Variants in WDR35 observed in about 807,000 individuals in gnomAD.
WDR35 encodes WD repeat-containing protein 35.
In WDR35, 118 loss-of-function variants were observed where a neutral mutation model predicts 158.3. That is an observed-to-expected ratio of 0.75 (90% confidence interval 0.64 to 0.87). The LOEUF (loss-of-function observed/expected upper bound fraction) is 0.87, where lower values mean the gene tolerates loss of function less well. Among genes scored for constraint, WDR35 ranks in the 40% least tolerant of loss-of-function variants. WDR35 has a pLI of 0.00. For missense variants in WDR35, 1,263 were observed against 1,405.8 expected (o/e 0.90, Z 1.62); for synonymous variants, 448 against 476.1 (o/e 0.94, Z 0.77).
At chr2:19,927,632 A>G (rs1272261322) in intron 25 of WDR35, among the ~76,000 whole-genome samples, 1 of 152,214 alleles carries the variant, frequency 6.6e-6, no homozygotes, top group Non-Finnish European at 1.5e-5. Context: ...GGAAACTATT[A>G]ATAGCTCTTA....
In WDR35 at chr2:19,978,786, T is replaced by C. The variant is rs922962648; in HGVS notation, c.401A>G (p.Tyr134Cys). The C allele has an allele frequency of 1.9e-6, 3 of 1,613,774 alleles. No homozygotes were observed. The highest frequency in any genetic ancestry group is 1.3e-5 in the African/African-American group (1 of 74,916). ...ACCAACTATCACAGCCCCATCTTCA[T>C]ATACAATGCAGATCTTCTGTCCGTC... ...NADGQKICIVYEDGAVIVGSV... is the reference protein window; with the variant it reads ...NADGQKICIVCEDGAVIVGSV... Residue 134 changes from tyrosine to cysteine, a missense_variant, in exon 5 of 27, where the codon TAT becomes TGT. Physicochemically the swap from Tyr to Cys is radical, Grantham distance 194 (BLOSUM62 -2). Transcript: ENST00000281405.
intron 21 of WDR35, chr2:19,935,066 T>C (rs1670649434): frequency 6.5e-6 from 1 of 154,216 alleles, no homozygotes; most frequent in South Asian, 2.0e-4. Flanking sequence ...TTATTGTTAA[T>C]ATAACATAAT....
At position 19,985,447 on chromosome 2, in the gene WDR35, T is replaced by A. The variant is rs974413447; in HGVS notation, c.143-2913A>T. Among the ~76,000 whole-genome samples, 421 of 149,390 alleles carry A rather than the reference T, an allele frequency of 2.8e-3. 2 individuals carry two copies. Among genetic ancestry groups the A allele is most frequent in the African/African-American group, 0.01 (403 of 39,988 alleles). ...CACAAGCAGCTCCAACCCAGGACCA[T>A]CATCCTCAAACCCTACCACAAGCAG... is the stretch of plus-strand genomic sequence containing the variant. On this transcript the variant is annotated intron_variant, in intron 2 of 26. Transcript: ENST00000281405.
At chr2:19,987,541 A>C (rs1397089754) in intron 2 of WDR35, among the ~76,000 whole-genome samples, 2 of 152,144 alleles carry the variant, frequency 1.3e-5, no homozygotes, top group Non-Finnish European at 2.9e-5. Flanking sequence ...TAAAACTTGC[A>C]GGCCAGGCAC....
At chr2:19,945,712 C>T in intron 16 of WDR35, 74 bp downstream of exon 16, 1 of 1,554,478 alleles carries the variant, frequency 6.4e-7, no homozygotes, top group Non-Finnish European at 8.9e-7. Flanking sequence ...CTTAAAGAAA[C>T]AAAGGGGAAT....
At chr2:19,982,764 A>G (rs1358376624) in intron 2 of WDR35, among the ~76,000 whole-genome samples, 1 of 152,218 alleles carries the variant, frequency 6.6e-6, no homozygotes, top group Non-Finnish European at 1.5e-5. Context: ...CATACATTAC[A>G]TATATTAATA....
intron 5 of WDR35, among the ~76,000 whole-genome samples, chr2:19,977,631 C>G (rs762148264): frequency 6.6e-5 from 10 of 151,992 alleles, no homozygotes; most frequent in Non-Finnish European, 1.5e-4. Flanking sequence ...TCATATGTAG[C>G]ACAGAGATGT....
At chr2:19,920,348 C>G (rs1474063589) in intron 25 of WDR35, among the ~76,000 whole-genome samples, 1 of 152,108 alleles carries the variant, frequency 6.6e-6, no homozygotes, top group Non-Finnish European at 1.5e-5. Flanking sequence ...ACTGGCAAAC[C>G]AAATCCAGCA....
chr2:19,985,361 C>T (rs1285965359), intron 2 of WDR35, among the ~76,000 whole-genome samples: 1 of 92,704 alleles, frequency 1.1e-5, no homozygotes, highest in East Asian at 4.2e-4. Flanking sequence ...AACCCAGGAC[C>T]GTCATCCTCA....
chr2:19,948,114 T>G, intron 14 of WDR35, 50 bp downstream of exon 14: 1 of 1,461,748 alleles, frequency 6.8e-7, no homozygotes, highest in South Asian at 1.2e-5. Flanking sequence ...TACCATATTT[T>G]TATAATTTAA....
intron 17 of WDR35, among the ~76,000 whole-genome samples, chr2:19,939,315 T>C (rs1041319066): frequency 6.6e-6 from 1 of 152,118 alleles, no homozygotes; most frequent in Admixed American, 6.5e-5. Context: ...AAAAATAATA[T>C]ATCTACAAAA....
chr2:19,941,553 AT>A (rs1359082994), intron 17 of WDR35, among the ~76,000 whole-genome samples: 1 of 152,208 alleles, frequency 6.6e-6, no homozygotes, highest in Non-Finnish European at 1.5e-5. Context: ...AGACTTATAC[AT>A]TTTTATCATC....
At chr2:19,932,216 T>C (rs1670546872) in intron 23 of WDR35, 67 bp downstream of exon 23, 5 of 1,593,164 alleles carry the variant, frequency 3.1e-6, no homozygotes, top group South Asian at 1.1e-5. Flanking sequence ...ATGGAGAATA[T>C]GCTCTTTCAT....
rs1670629301 is a variant in WDR35, at chr2:19,934,422, C to T, written c.2548-911G>A. On this transcript the variant is annotated intron_variant, in intron 21 of 26. Transcript: ENST00000281405. The surrounding 1 kb of genome is among the most constrained non-coding windows in gnomAD (Gnocchi z 4.6). ...TTGTGTTGTACACAATCACACAATA[C>T]ACAATTTTGTATCCTGTATTTCCTA... Among the ~76,000 whole-genome samples the T allele has an allele frequency of 1.3e-5, 2 of 152,006 alleles. No individual in the cohort carries two copies. The highest frequency in any genetic ancestry group is 4.8e-5 in the African/African-American group (2 of 41,400).
At chr2:19,977,402 C>T (rs2103459174) in intron 5 of WDR35, among the ~76,000 whole-genome samples, 1 of 152,300 alleles carries the variant, frequency 6.6e-6, no homozygotes. Context: ...TACCATCCAT[C>T]CAGCTGCCCA....
In WDR35 at chr2:19,923,984, A is replaced by C. The variant is rs536578193; in HGVS notation, c.3121+6412T>G. Among the ~76,000 whole-genome samples the C allele has an allele frequency of 2.6e-5, 4 of 152,252 alleles. No individual in the cohort carries two copies. In the East Asian group the frequency reaches 7.7e-4, roughly 29 times the overall value. On this transcript the variant is annotated intron_variant, in intron 25 of 26. Coordinates refer to ENST00000281405, the MANE Select transcript of WDR35 (RefSeq NM_020779.4). ...ACTCCTGCTCAGTTCTTACAATTTA[A>C]AACTTGGTGGGCCCATGAAGCTTCC... is the stretch of plus-strand genomic sequence containing the variant.
chr2:19,916,433 G>A (rs1669994146), intron 25 of WDR35, among the ~76,000 whole-genome samples: 2 of 152,218 alleles, frequency 1.3e-5, no homozygotes, highest in Non-Finnish European at 1.5e-5. Context: ...GGGAGCCAAG[G>A]GGTCTGGCTC....
At chr2:19,961,541 A>C (rs1286557332) in intron 10 of WDR35, among the ~76,000 whole-genome samples, 2 of 152,206 alleles carry the variant, frequency 1.3e-5, no homozygotes, top group Non-Finnish European at 2.9e-5. Flanking sequence ...CAAGAACCTG[A>C]GGCATTTCTT....
chr2:19,942,150 T>C (rs1056220035), intron 16 of WDR35, among the ~76,000 whole-genome samples: 1 of 152,210 alleles, frequency 6.6e-6, no homozygotes, highest in Non-Finnish European at 1.5e-5. Flanking sequence ...GATCACACCT[T>C]ACATAATTAA....
Sources: gnomAD v4.1 joint callset for allele counts (sites outside exome capture counted in the v4.1 genomes callset) on GRCh38, gnomAD v4.1.1 for gene constraint, Gnocchi (gnomAD v3.1) non-coding constraint, MANE v1.5 for transcripts, NCBI Gene and HGNC (gene_info 2026-07-23, HGNC 2026-07-21) for gene names.